The following TMEM266 variants were observed in gnomAD, a reference collection of about 807,000 sequenced individuals.
TMEM266 encodes the protein transmembrane protein 266.
A neutral mutation model predicts 50.5 loss-of-function variants in TMEM266; 33 were observed. The observed-to-expected ratio is 0.65, with a 90% CI of 0.50 to 0.87. TMEM266 has a LOEUF of 0.87. TMEM266 is among the 40% of genes least tolerant of loss of function. The probability of loss-of-function intolerance (pLI) is 0.00; values close to 1 mark genes in which losing one functional copy is unlikely to be tolerated. For missense variants in TMEM266, 655 were observed against 695.1 expected, an observed-to-expected ratio of 0.94 and a Z score of 0.65; for synonymous variants, 310 against 292.3, an observed-to-expected ratio of 1.06 and a Z score of -0.62.
intron 1 of TMEM266, among the ~76,000 whole-genome samples, chr15:76,100,560 A>C (rs2036986902): frequency 6.6e-6 from 1 of 152,214 alleles, no homozygotes; most frequent in Non-Finnish European, 1.5e-5. Flanking sequence ...CCTTGGTGCC[A>C]TGCCCTGCCT....
intron 5 of TMEM266, among the ~76,000 whole-genome samples, chr15:76,169,488 A>C (rs986388580): frequency 1.1e-4 from 16 of 151,598 alleles, no homozygotes; most frequent in African/African-American, 3.7e-4. Context: ...GCAAGGTCCT[A>C]AGTATCCTTC....
chr15:76,177,359 T>C (rs2038301604), intron 8 of TMEM266, among the ~76,000 whole-genome samples: 1 of 152,234 alleles, frequency 6.6e-6, no homozygotes, highest in Non-Finnish European at 1.5e-5. Context: ...GGTAAATGCA[T>C]ATTCACTGTA....
At chr15:76,150,466 T>A (rs1359162001) in intron 3 of TMEM266, among the ~76,000 whole-genome samples, 3 of 152,236 alleles carry the variant, frequency 2.0e-5, no homozygotes, top group African/African-American at 7.2e-5. Context: ...GCTGATGCCG[T>A]GACTCTCCAC....
At chr15:76,192,720 C>T (rs1027664637) in intron 9 of TMEM266, among the ~76,000 whole-genome samples, 2 of 152,188 alleles carry the variant, frequency 1.3e-5, no homozygotes, top group African/African-American at 4.8e-5. Flanking sequence ...AGGGTAGGGT[C>T]CTGTATGGAA....
At chr15:76,091,882 C>G (rs941104313) in intron 1 of TMEM266, among the ~76,000 whole-genome samples, 5 of 151,388 alleles carry the variant, frequency 3.3e-5, no homozygotes, top group Admixed American at 2.0e-4. Context: ...TCCCAACTAC[C>G]ATGGTGGCTG....
intron 1 of TMEM266, among the ~76,000 whole-genome samples, chr15:76,075,187 G>C (rs1156813786): frequency 6.6e-6 from 1 of 152,106 alleles, no homozygotes; most frequent in Non-Finnish European, 1.5e-5. Context: ...GCCAGGGTAT[G>C]TGGATGACAT....
intron 1 of TMEM266, chr15:76,113,796 C>G (rs1406141337): frequency 1.3e-5 from 2 of 152,216 alleles, no homozygotes; most frequent in Non-Finnish European, 2.9e-5. Context: ...GTAGTCCCAG[C>G]TACTCGGGAG....
At chr15:76,107,112 AG>A (rs2037093978) in intron 1 of TMEM266, among the ~76,000 whole-genome samples, 1 of 152,258 alleles carries the variant, frequency 6.6e-6, no homozygotes, top group South Asian at 2.1e-4. Context: ...TTTTCTAGTT[AG>A]CACATTTTAA....
rs778630527 is a variant in TMEM266, at chr15:76,076,954, TTTG to T, written c.-97+16959_-97+16961del. On this transcript the variant is annotated intron_variant, in intron 1 of 10. Transcript: ENST00000388942. ...CTCTGAATAACCGTTTTTTTGTTTG[TTTG>T]TTGTTGTTGTTGTTGTTGTTTTTTT... is the stretch of plus-strand genomic sequence containing the variant. 3.8e-4 allele frequency among the ~76,000 whole-genome samples: 57 copies of T among 151,838 alleles called. 1 individual carries two copies. Among genetic ancestry groups the T allele is most frequent in the East Asian group, 9.7e-4 (5 of 5,166 alleles).
At chr15:76,089,501 T>C (rs1210032528) in intron 1 of TMEM266, among the ~76,000 whole-genome samples, 1 of 152,070 alleles carries the variant, frequency 6.6e-6, no homozygotes, top group Non-Finnish European at 1.5e-5. Context: ...CCCAGAAGTT[T>C]CTTATAGCTG....
At chr15:76,143,564 C>G (rs901999949) in intron 3 of TMEM266, among the ~76,000 whole-genome samples, 1 of 152,190 alleles carries the variant, frequency 6.6e-6, no homozygotes, top group Non-Finnish European at 1.5e-5. Flanking sequence ...CCATGTTACC[C>G]AAGCTGGTCT....
In TMEM266 at chr15:76,175,621, G is replaced by T. The variant is rs752520367; in HGVS notation, c.715G>T (p.Val239Phe). Residue 239 changes from valine (V) to phenylalanine (F), a missense_variant, in exon 8 of 11, where the codon GTC becomes TTC. This residue lies in a region of TMEM266 where 455 missense variants were observed against 401.8 expected (regional missense o/e 1.13). Transcript: ENST00000388942. The stretch of plus-strand genomic sequence containing the variant: ...TATCCAGCAGTACGAGAAGGCCAAG[G>T]TCATCCAAGACGAGCAGCTGGAGAG... 1.2e-6 allele frequency: 2 copies of T among 1,614,218 alleles called. No individual in the cohort carries two copies. The highest frequency in any genetic ancestry group is 4.5e-5 in the East Asian group (2 of 44,886).
chr15:76,171,794 G>A (rs1008674713), intron 7 of TMEM266, among the ~76,000 whole-genome samples: 1 of 152,306 alleles, frequency 6.6e-6, no homozygotes, highest in African/African-American at 2.4e-5. Flanking sequence ...GGCCACTCTT[G>A]TCTGGAAAGC....
At chr15:76,101,945 A>G (rs992437) in intron 1 of TMEM266, among the ~76,000 whole-genome samples, 122,298 of 152,200 alleles carry the variant, frequency 0.8, 49,247 homozygotes, top group Admixed American at 0.85. Context: ...AAACAGCAGC[A>G]TCCCCAACTG....
intron 1 of TMEM266, among the ~76,000 whole-genome samples, chr15:76,126,600 C>T (rs1270790004): frequency 6.6e-6 from 1 of 151,010 alleles, no homozygotes; most frequent in African/African-American, 2.4e-5. Flanking sequence ...GGCATGATCT[C>T]GGCTCACTGC....
chr15:76,085,933 A>G (rs186194940), intron 1 of TMEM266, among the ~76,000 whole-genome samples: 5 of 152,160 alleles, frequency 3.3e-5, no homozygotes, highest in Non-Finnish European at 7.4e-5. Context: ...CTTTAGTTCC[A>G]GCTACTTGGG....
chr15:76,143,102 TC>T (rs1362981584), intron 3 of TMEM266, among the ~76,000 whole-genome samples: 1 of 152,118 alleles, frequency 6.6e-6, no homozygotes, highest in Non-Finnish European at 1.5e-5. Flanking sequence ...TCTTCCTTCC[TC>T]CCTTTTAGGA....
Position 76,202,198 on chromosome 15 carries a change from G to T in TMEM266, c.959-4G>T, listed in dbSNP as rs1208733409. ...CTCACCCTTCTCTGTCCCCACCTCT[G>T]TAGAAGCCACGATGAAGGACGACAT... is the stretch of plus-strand genomic sequence containing the variant. On this transcript the variant is annotated splice_polypyrimidine_tract_variant and splice_region_variant and intron_variant, in intron 9 of 10. Transcript: ENST00000388942. 6.2e-7 allele frequency: 1 copy of T among 1,613,348 alleles called. No individual in the cohort carries two copies. The highest frequency in any genetic ancestry group is 1.1e-5 in the South Asian group (1 of 91,038).
chr15:76,066,359 A>C (rs2036418938), intron 1 of TMEM266, among the ~76,000 whole-genome samples: 1 of 152,336 alleles, frequency 6.6e-6, no homozygotes, highest in East Asian at 1.9e-4. Context: ...AAATAATGAG[A>C]GCACAGGGAA....
Sources: gnomAD v4.1 joint callset for allele counts (sites outside exome capture counted in the v4.1 genomes callset) on GRCh38, gnomAD v4.1.1 for gene constraint, gnomAD v4.1.1 regional missense constraint, MANE v1.5 for transcripts, NCBI Gene and HGNC (gene_info 2026-07-23, HGNC 2026-07-21) for gene names.